Variants in TTLL11 observed in about 807,000 individuals in gnomAD.
TTLL11 encodes the protein tubulin polyglutamylase TTLL11.
Under a neutral mutation model 51.7 loss-of-function variants are expected in TTLL11, and 42 were observed. The ratio of observed to expected loss-of-function variants is 0.81; its 90% CI spans 0.64 to 1.05. TTLL11 has a LOEUF of 1.05. Among genes scored for constraint, TTLL11 ranks in the 50% least tolerant of loss-of-function variants. The probability of loss-of-function intolerance (pLI) is 0.00; values close to 1 mark genes in which losing one functional copy is unlikely to be tolerated. For synonymous variants in TTLL11, 381 were observed against 383.5 expected, an observed-to-expected ratio of 0.99 and a Z score of 0.08; for missense variants, 799 against 940.4, an observed-to-expected ratio of 0.85 and a Z score of 1.97.
intron 1 of TTLL11, chr9:122,040,402 A>T (rs1482742116): frequency 1.0e-6 from 1 of 985,140 alleles, no homozygotes; most frequent in African/African-American, 1.7e-5. Context: ...TCTTTCCACT[A>T]CATCCTGTTG....
chr9:121,989,057 C>T lies in TTLL11; in HGVS notation c.1269+138G>A, dbSNP rs905602088. The T allele has an allele frequency of 2.0e-6, 3 of 1,505,456 alleles. No homozygotes were observed. Among genetic ancestry groups the T allele is most frequent in the East Asian group, 2.3e-5 (1 of 43,766 alleles). 93.3% of individuals were successfully genotyped at this position (1,505,456 alleles called of 1,614,324 possible). A position where few individuals can be genotyped will look rare whatever the true frequency, so the allele number is the denominator to read the frequency against. On this transcript the variant is annotated intron_variant, in intron 4 of 8. Coordinates refer to ENST00000321582, the MANE Select transcript of TTLL11 (RefSeq NM_001139442.2). This position sits in a 1 kb window ranked among gnomAD's most constrained non-coding sequence, Gnocchi z 4.2. ...GCTTGGAAGTTGGGCCCAGGTTTAACACCCAAGCCCACAGCACCACCAACA... is the reference window on the plus strand; with the variant it reads ...GCTTGGAAGTTGGGCCCAGGTTTAATACCCAAGCCCACAGCACCACCAACA...
intron 6 of TTLL11, among the ~76,000 whole-genome samples, chr9:121,959,161 G>T (rs1170242368): frequency 6.6e-6 from 1 of 152,126 alleles, no homozygotes; most frequent in Non-Finnish European, 1.5e-5. Flanking sequence ...GGTGGAACAG[G>T]GTTAAGAATG....
intron 3 of TTLL11, among the ~76,000 whole-genome samples, chr9:122,016,372 A>G (rs554704067): frequency 1.3e-5 from 2 of 152,216 alleles, no homozygotes; most frequent in Non-Finnish European, 2.9e-5. Context: ...CAGGAGTTTA[A>G]ACTGCATCTT....
intron 6 of TTLL11, among the ~76,000 whole-genome samples, chr9:121,957,861 C>T (rs556685683): frequency 2.0e-5 from 3 of 152,246 alleles, no homozygotes; most frequent in South Asian, 2.1e-4. Context: ...TAGGGTCTAC[C>T]CAACTCCTTA....
intron 8 of TTLL11, among the ~76,000 whole-genome samples, chr9:121,830,402 T>C (rs1836965878): frequency 6.6e-6 from 1 of 152,158 alleles, no homozygotes; most frequent in South Asian, 2.1e-4. Context: ...TGAATCCCGC[T>C]CCTTCCCCTC....
chr9:121,992,110 A>AAC (rs1843132062), intron 3 of TTLL11, among the ~76,000 whole-genome samples: 1 of 152,134 alleles, frequency 6.6e-6, no homozygotes, highest in African/African-American at 2.4e-5. Flanking sequence ...GCCATCCAGG[A>AAC]ACTATATCTG....
intron 6 of TTLL11, among the ~76,000 whole-genome samples, chr9:121,911,194 G>A (rs1247201419): frequency 6.6e-6 from 1 of 152,118 alleles, no homozygotes; most frequent in Non-Finnish European, 1.5e-5. Flanking sequence ...TCAGGAGTTC[G>A]AGACCAGCCT....
chr9:122,029,953 T>C (rs1262479557), intron 3 of TTLL11, among the ~76,000 whole-genome samples: 1 of 152,180 alleles, frequency 6.6e-6, no homozygotes, highest in Non-Finnish European at 1.5e-5. Flanking sequence ...TCCAGTACCA[T>C]GCTATACAGG....
chr9:122,042,212 G>C (rs566338478), intron 1 of TTLL11, among the ~76,000 whole-genome samples: 1 of 152,238 alleles, frequency 6.6e-6, no homozygotes, highest in Admixed American at 6.5e-5. Context: ...GCTGGGTTTT[G>C]CCATGTTGGC....
intron 8 of TTLL11, among the ~76,000 whole-genome samples, chr9:121,826,805 G>A (rs191125357): frequency 2.4e-3 from 367 of 152,056 alleles, no homozygotes; most frequent in African/African-American, 8.1e-3. Flanking sequence ...AAGTGGGCAT[G>A]ACAGTGGGGC....
chr9:121,934,122 A>G (rs1841100331), intron 6 of TTLL11, among the ~76,000 whole-genome samples: 1 of 152,084 alleles, frequency 6.6e-6, no homozygotes, highest in Admixed American at 6.6e-5. Flanking sequence ...AATCCCAGCT[A>G]CTTGGGAGGC....
chr9:121,940,731 C>T (rs1038280010), intron 6 of TTLL11, among the ~76,000 whole-genome samples: 5 of 152,146 alleles, frequency 3.3e-5, no homozygotes, highest in African/African-American at 7.2e-5. Flanking sequence ...TACTCTACTC[C>T]GAAACTCTGT....
At chr9:121,939,602 G>C (rs1841363565) in intron 6 of TTLL11, among the ~76,000 whole-genome samples, 1 of 152,124 alleles carries the variant, frequency 6.6e-6, no homozygotes, top group Non-Finnish European at 1.5e-5. Flanking sequence ...ATCCAAAGTA[G>C]ATATGGCAAA....
intron 8 of TTLL11, among the ~76,000 whole-genome samples, chr9:121,833,496 G>A (rs1376743465): frequency 4.6e-5 from 7 of 152,132 alleles, no homozygotes; most frequent in Non-Finnish European, 5.9e-5. Context: ...CCTATCTTAC[G>A]TCTGCATAGC....
chr9:121,926,998 T>C (rs1229920714), intron 6 of TTLL11, among the ~76,000 whole-genome samples: 1 of 152,144 alleles, frequency 6.6e-6, no homozygotes, highest in East Asian at 1.9e-4. Context: ...CTCGGGCCCC[T>C]TTTATAAAGG....
intron 1 of TTLL11, among the ~76,000 whole-genome samples, chr9:122,077,377 C>A (rs1845890008): frequency 1.3e-5 from 2 of 152,066 alleles, no homozygotes; most frequent in African/African-American, 2.4e-5. Context: ...TACTAAAGAT[C>A]CTTGCATTGT....
intron 2 of TTLL11, among the ~76,000 whole-genome samples, chr9:122,038,828 G>A (rs1844768203): frequency 6.6e-6 from 1 of 152,160 alleles, no homozygotes; most frequent in Admixed American, 6.5e-5. Flanking sequence ...TGTGCAGCCT[G>A]TAGTACTTAA....
intron 4 of TTLL11, among the ~76,000 whole-genome samples, chr9:121,984,176 G>C (rs1308967832): frequency 6.6e-6 from 1 of 152,066 alleles, no homozygotes; most frequent in African/African-American, 2.4e-5. Context: ...TGGGGTCAGG[G>C]GTGACAAATG....
Position 121,989,890 on chromosome 9 carries a change from G to C in TTLL11, c.694-120C>G, listed in dbSNP as rs1843062329. 3 of 1,495,510 alleles carry C rather than the reference G, an allele frequency of 2.0e-6. No homozygotes were observed. The highest frequency in any genetic ancestry group is 2.6e-6 in the Non-Finnish European group (3 of 1,132,128). The allele number at this position is 1,495,510 out of a possible 1,614,324, so 92.6% of individuals were successfully genotyped here. ...GACAAGATGATCCCTGCCGATCTGAGCAGGGGCTGAGCATCTTCCATGGAG... is the reference window on the plus strand; with the variant it reads ...GACAAGATGATCCCTGCCGATCTGACCAGGGGCTGAGCATCTTCCATGGAG... On this transcript the variant is annotated intron_variant, in intron 3 of 8. Transcript: ENST00000321582. This position sits in a 1 kb window ranked among gnomAD's most constrained non-coding sequence, Gnocchi z 4.2.
Sources: allele counts gnomAD v4.1 joint callset (sites outside exome capture counted in the v4.1 genomes callset), GRCh38; gene constraint gnomAD v4.1.1; non-coding constraint Gnocchi (gnomAD v3.1); transcripts MANE v1.5; gene names NCBI Gene and HGNC (gene_info 2026-07-23, HGNC 2026-07-21).